ZNFX1: variants seen among roughly 807,000 people sequenced by gnomAD.
ZNFX1 encodes the protein NFX1-type zinc finger-containing protein 1.
A neutral mutation model predicts 179.8 loss-of-function variants in ZNFX1; 78 were observed. The ratio of observed to expected loss-of-function variants is 0.43; its 90% CI spans 0.36 to 0.52. ZNFX1 has a LOEUF of 0.52. Ranked by LOEUF, ZNFX1 falls within the 20% of genes least tolerant of loss-of-function variation. The probability of loss-of-function intolerance (pLI) is 0.00; values close to 1 mark genes in which losing one functional copy is unlikely to be tolerated. For missense variants in ZNFX1, 1,927 were observed against 2,386.6 expected (o/e 0.81, Z 4.01); for synonymous variants, 848 against 868.5 (o/e 0.98, Z 0.42).
At chr20:49,273,915 GCAAGAC>G (rs1171963501) in intron 2 of ZNFX1, among the ~76,000 whole-genome samples, 1 of 152,196 alleles carries the variant, frequency 6.6e-6, no homozygotes, top group African/African-American at 2.4e-5. Flanking sequence ...GGGCAACAGA[GCAAGAC>G]CCTGTCTCAA....
At chr20:49,260,775 C>T (rs924347635) in intron 6 of ZNFX1, among the ~76,000 whole-genome samples, 198 bp from the exon 7 acceptor site, 8 of 151,764 alleles carry the variant, frequency 5.3e-5, no homozygotes, top group African/African-American at 1.9e-4. Flanking sequence ...GACCCTATGT[C>T]TTTAAAAAGA....
chr20:49,266,009 A>C lies in ZNFX1; in HGVS notation c.2002+126T>G, dbSNP rs1981224418. ...TCACAGTCCAGCTGGGACAGATCACAAACGGCCATGTAAGTAATGATAAGG... is the reference window on the plus strand; with the variant it reads ...TCACAGTCCAGCTGGGACAGATCACCAACGGCCATGTAAGTAATGATAAGG... On this transcript the variant is annotated intron_variant, in intron 4 of 13. Coordinates refer to ENST00000396105, the MANE Select transcript of ZNFX1 (RefSeq NM_021035.3). 4 of 1,072,768 alleles carry C rather than the reference A, an allele frequency of 3.7e-6. No homozygotes were observed. In the South Asian group the frequency reaches 6.0e-5, roughly 16 times the overall value. The allele number at this position is 1,072,768 out of a possible 1,614,324, so 66.5% of individuals were successfully genotyped here.
chr20:49,252,768 A>T lies in ZNFX1; in HGVS notation c.3168T>A (p.Phe1056Leu). The T allele has an allele frequency of 6.2e-7, 1 of 1,614,108 alleles. No individual in the cohort carries two copies. Among genetic ancestry groups the T allele is most frequent in the Non-Finnish European group, 8.5e-7 (1 of 1,179,964 alleles). The change falls in exon 12 of 14, where the codon TTT (phenylalanine) becomes TTA (leucine). Residue 1056 changes from phenylalanine (F) to leucine (L), a missense_variant. By Grantham distance (22) the Phe-to-Leu change is conservative. Coordinates refer to ENST00000396105, the MANE Select transcript of ZNFX1 (RefSeq NM_021035.3). ...GAATGTTTACTTTCACTAGCCGTTC[A>T]AAAAGGGACACCTCAAGGTTGAAGT... Reference protein sequence around the residue: ...AKNFNLEVSLFERLVKVNIPF... With the variant: ...AKNFNLEVSLLERLVKVNIPF...
At chr20:49,273,340 G>A (rs1039780622) in intron 2 of ZNFX1, among the ~76,000 whole-genome samples, 10 of 152,016 alleles carry the variant, frequency 6.6e-5, no homozygotes, top group African/African-American at 2.2e-4. Context: ...CACCATGTTA[G>A]CCTCGATGGT....
Position 49,271,401 on chromosome 20 carries a change from C to G in ZNFX1, c.411G>C (p.Gln137His). 1.2e-6 allele frequency: 2 copies of G among 1,614,118 alleles called. No homozygotes were observed. Among genetic ancestry groups the G allele is most frequent in the Non-Finnish European group, 1.7e-6 (2 of 1,180,038 alleles). The change falls in exon 3 of 14, where the codon CAG becomes CAC. Residue 137 changes from glutamine (Q) to histidine (H), a missense_variant. By Grantham distance (24) the Gln-to-His change is conservative. Coordinates refer to ENST00000396105, the MANE Select transcript of ZNFX1 (RefSeq NM_021035.3). ...WRTPHQKPTE[Q>H]PQQAKKLGYK... ...AGCCCAGTTTCTTCGCCTGCTGTGGCTGTTCTGTAGGCTTCTGGTGGGGAG... is the reference window on the plus strand; with the variant it reads ...AGCCCAGTTTCTTCGCCTGCTGTGGGTGTTCTGTAGGCTTCTGGTGGGGAG...
In ZNFX1 at chr20:49,270,304, A is replaced by T. The variant is rs944973642; in HGVS notation, c.1508T>A (p.Phe503Tyr). Residue 503 changes from phenylalanine (F) to tyrosine (Y), a missense_variant, in exon 3 of 14, where the codon TTC (phenylalanine) becomes TAC (tyrosine). Physicochemically the swap from Phe to Tyr is conservative, Grantham distance 22. Transcript: ENST00000396105. The surrounding 1 kb of genome is among the most constrained non-coding windows in gnomAD (Gnocchi z 4.6). ...GTATGCAGTTGTCTCTACCATGAGG[A>T]AAGAGTCAGAGGGCTGGACCTCTGC... ...LLAEVQPSDSFLMVETTAYFE... is the reference protein window; with the variant it reads ...LLAEVQPSDSYLMVETTAYFE... 7 of 1,614,008 alleles carry T rather than the reference A, an allele frequency of 4.3e-6. No individual in the cohort carries two copies. In the Admixed American group the frequency reaches 5.0e-5, roughly 12 times the overall value.
chr20:49,270,184 A>G lies in ZNFX1; in HGVS notation c.1628T>C (p.Val543Ala). The change falls in exon 3 of 14, where the codon GTG becomes GCG. Residue 543 changes from valine to alanine, a missense_variant. By Grantham distance (64) the Val-to-Ala change is moderately conservative. Transcript: ENST00000396105. This position sits in a 1 kb window ranked among gnomAD's most constrained non-coding sequence, Gnocchi z 4.6. ...QRNIVECNSHVKEPRYLLMGG... is the reference protein window; with the variant it reads ...QRNIVECNSHAKEPRYLLMGG... ...CATTAGCAAGTACCTTGGCTCCTTC[A>G]CATGAGAGTTACACTCCACGATATT... 1.2e-6 allele frequency: 2 copies of G among 1,614,096 alleles called. No individual in the cohort carries two copies. Among genetic ancestry groups the G allele is most frequent in the Non-Finnish European group, 1.7e-6 (2 of 1,180,020 alleles).
chr20:49,273,345 G>A (rs375694167), intron 2 of ZNFX1, among the ~76,000 whole-genome samples: 2 of 151,910 alleles, frequency 1.3e-5, no homozygotes, highest in African/African-American at 4.8e-5. Flanking sequence ...TGTTAGCCTC[G>A]ATGGTCTCAA....
At chr20:49,268,007 G>A (rs1193124756) in intron 3 of ZNFX1, among the ~76,000 whole-genome samples, 1 of 151,892 alleles carries the variant, frequency 6.6e-6, no homozygotes, top group African/African-American at 2.4e-5. Context: ...CCGAGTAGCT[G>A]GGACTACAGG....
intron 10 of ZNFX1, among the ~76,000 whole-genome samples, chr20:49,254,025 TTTTC>T (rs1980907677): frequency 1.7e-5 from 1 of 60,536 alleles, no homozygotes; most frequent in African/African-American, 5.1e-5. Flanking sequence ...TGAATTTCTT[TTTTC>T]TTTTTTTTTT....
chr20:49,275,063 C>T (rs1212681979), intron 2 of ZNFX1, among the ~76,000 whole-genome samples: 1 of 151,370 alleles, frequency 6.6e-6, no homozygotes, highest in African/African-American at 2.4e-5. Context: ...GCGGAGCTTG[C>T]AGTGAGCAGA....
rs1399205767 is a variant in ZNFX1 at position 49,271,056 on chromosome 20, C to T, written c.756G>A (p.Gln252=). Residue 252 remains glutamine (Q), a synonymous_variant, in exon 3 of 14, where the codon CAG becomes CAA. Transcript: ENST00000396105. ...TGGCAGGGAAGACACTTACAAGGTC[C>T]TGGAGGAGGGAGATGATGTTGCTTA... is the stretch of plus-strand genomic sequence containing the variant. ...EHISNIISLL[Q]DLVSVFPASS... 1 of 1,614,100 alleles carries T rather than the reference C, an allele frequency of 6.2e-7. No homozygotes were observed. Among genetic ancestry groups the T allele is most frequent in the Non-Finnish European group, 8.5e-7 (1 of 1,180,020 alleles).
chr20:49,251,817 T>C (rs145271996), intron 12 of ZNFX1, among the ~76,000 whole-genome samples, 195 bp from the exon 13 acceptor site: 39 of 150,940 alleles, frequency 2.6e-4, no homozygotes, highest in African/African-American at 9.0e-4. Flanking sequence ...GGCAACATAG[T>C]GAGCCCTCAT....
intron 3 of ZNFX1, among the ~76,000 whole-genome samples, chr20:49,269,693 C>T (rs369130834): frequency 3.3e-5 from 5 of 152,080 alleles, no homozygotes; most frequent in South Asian, 4.2e-4. Context: ...AAAACAATGA[C>T]GACAACAAAA....
chr20:49,269,469 G>A (rs983626887), intron 3 of ZNFX1, among the ~76,000 whole-genome samples: 2 of 152,178 alleles, frequency 1.3e-5, no homozygotes, highest in Non-Finnish European at 2.9e-5. Context: ...ATCACCTGAG[G>A]TCGGGAGTTC....
chr20:49,264,656 A>G, intron 5 of ZNFX1, 60 bp downstream of exon 5: 1 of 1,583,408 alleles, frequency 6.3e-7, no homozygotes, highest in Non-Finnish European at 8.6e-7. Context: ...CCAGAAAGCC[A>G]CTGCTATCTT....
chr20:49,267,313 C>T (rs1390886145), intron 3 of ZNFX1, among the ~76,000 whole-genome samples: 1 of 151,922 alleles, frequency 6.6e-6, no homozygotes, highest in Non-Finnish European at 1.5e-5. Flanking sequence ...GGATAAGTAA[C>T]AATTTCTTCC....
In ZNFX1 at chr20:49,260,552, T is replaced by G. The variant is rs1320022125; in HGVS notation, c.2327A>C (p.His776Pro). ...VQDSEWICFQ[H>P]WKHSMMLEWL... is the part of the protein sequence containing the mutation. ...CTCCAGCATCATGGAATGCTTCCAG[T>G]GCTGGAAGCAAATCCATTCACTATC... The change falls in exon 7 of 14, where the codon CAC (histidine) becomes CCC (proline). Residue 776 changes from histidine to proline, a missense_variant. Coordinates refer to ENST00000396105, the MANE Select transcript of ZNFX1 (RefSeq NM_021035.3). The G allele has an allele frequency of 1.2e-6, 2 of 1,611,058 alleles. No individual in the cohort carries two copies. The highest frequency in any genetic ancestry group is 2.2e-5 in the East Asian group (1 of 44,846).
Position 49,266,126 on chromosome 20 carries a change from A to G in ZNFX1, c.2002+9T>C. Reference sequence around the variant, plus strand: ...CTTGATAGAGAACAAATTTGCCTATAAGTATTACCTTCCAGAAACTGGTCC... The same window carrying G: ...CTTGATAGAGAACAAATTTGCCTATGAGTATTACCTTCCAGAAACTGGTCC... On this transcript the variant is annotated intron_variant, in intron 4 of 13. Transcript: ENST00000396105. 1 of 1,604,678 alleles carries G rather than the reference A, an allele frequency of 6.2e-7. No homozygotes were observed. Among genetic ancestry groups the G allele is most frequent in the Non-Finnish European group, 8.5e-7 (1 of 1,177,780 alleles).
Sources: gnomAD v4.1 joint callset for allele counts (sites outside exome capture counted in the v4.1 genomes callset) on GRCh38, gnomAD v4.1.1 for gene constraint, Gnocchi (gnomAD v3.1) non-coding constraint, MANE v1.5 for transcripts, NCBI Gene and HGNC (gene_info 2026-07-23, HGNC 2026-07-21) for gene names.